KIF17: variants seen among roughly 807,000 people sequenced by gnomAD.
KIF17 encodes the protein kinesin-like protein KIF17.
KIF17 carries 80 observed loss-of-function variants against 96.8 expected under a neutral mutation model. That is an observed-to-expected ratio of 0.83 (90% confidence interval 0.69 to 1.00). KIF17 has a LOEUF of 1.00. Ranked by LOEUF, KIF17 falls within the 50% of genes least tolerant of loss-of-function variation. The pLI is 0.00. For missense variants in KIF17, 1,280 were observed against 1,372.9 expected (o/e 0.93, Z 1.07); for synonymous variants, 567 against 587.5 (o/e 0.97, Z 0.51).
rs2054498435 is a variant in KIF17 at position 20,712,893 on chromosome 1, A to AATATTATCTATATATAATATAGATAAT, written c.480+560_480+561insATTATCTATATTATATATAGATAATAT. Among the ~76,000 whole-genome samples the AATATTATCTATATATAATATAGATAAT allele has an allele frequency of 1.7e-4, 15 of 90,026 alleles. 1 individual carries two copies. The highest frequency in any genetic ancestry group is 8.3e-4 in the East Asian group (2 of 2,420). The allele number at this position is 90,026 out of a possible 152,430, so 59.1% of individuals were successfully genotyped here. ...GATATTATCTATATATAATATAGAT[A>AATATTATCTATATATAATATAGATAAT]ATATTATCTATATTATATATATAAT... On this transcript the variant is annotated intron_variant, in intron 3 of 14. Transcript: ENST00000400463.
rs751746162 is a variant in KIF17 at position 20,687,483 on chromosome 1, G to A, written c.1843C>T (p.Pro615Ser). 2.5e-6 allele frequency: 4 copies of A among 1,613,834 alleles called. No individual in the cohort carries two copies. The highest frequency in any genetic ancestry group is 3.4e-6 in the Non-Finnish European group (4 of 1,179,974). The change falls in exon 8 of 15, where the codon CCG (proline) becomes TCG (serine). Residue 615 changes from proline to serine, a missense_variant. Coordinates refer to ENST00000400463, the MANE Select transcript of KIF17 (RefSeq NM_001122819.3). This position sits in a 1 kb window ranked among gnomAD's most constrained non-coding sequence, Gnocchi z 4.4. ...AGCTTGGCTTCCACCTCGGCAAACG[G>A]GTCCTGCAGGCCTAGTAACCCCTGC... ...PLQGLLGLQD[P>S]FAEVEAKLAR... is the part of the protein sequence containing the mutation.
intron 6 of KIF17, chr1:20,694,045 G>A (rs1009421526): frequency 4.6e-5 from 7 of 151,678 alleles, no homozygotes; most frequent in Admixed American, 3.3e-4. Context: ...GTTTATTGTT[G>A]GTCTCCTTGG....
Position 20,704,658 on chromosome 1 carries a change from G to T in KIF17, c.912C>A (p.Thr304=), listed in dbSNP as rs777971001. 1 of 1,614,162 alleles carries T rather than the reference G, an allele frequency of 6.2e-7. No individual in the cohort carries two copies. The highest frequency in any genetic ancestry group is 8.5e-7 in the Non-Finnish European group (1 of 1,180,008). Residue 304 remains threonine (T), a synonymous_variant, in exon 5 of 15, where the codon ACC becomes ACA. Coordinates refer to ENST00000400463, the MANE Select transcript of KIF17 (RefSeq NM_001122819.3). This position sits in a 1 kb window ranked among gnomAD's most constrained non-coding sequence, Gnocchi z 6.8. ...RLLQDSLGGN[T]KTLMVACLSP... Reference sequence around the variant, plus strand: ...ACAGGCAGGCCACCATGAGCGTCTTGGTGTTGCCGCCCAGTGAGTCCTGCA... The same window carrying T: ...ACAGGCAGGCCACCATGAGCGTCTTTGTGTTGCCGCCCAGTGAGTCCTGCA...
chr1:20,713,197 T>C (rs2054508774), intron 3 of KIF17, among the ~76,000 whole-genome samples: 1 of 150,988 alleles, frequency 6.6e-6, no homozygotes, highest in Non-Finnish European at 1.5e-5. Context: ...GTTTTCACCA[T>C]GTTGGCCAGG....
chr1:20,715,693 T>C, intron 1 of KIF17, 54 bp from the exon 2 acceptor site: 3 of 1,607,302 alleles, frequency 1.9e-6, no homozygotes, highest in South Asian at 1.1e-5. Context: ...ACAGCAGGGC[T>C]CGGGACAGGG....
At chr1:20,688,195 C>T (rs551718202) in intron 7 of KIF17, among the ~76,000 whole-genome samples, 6 of 152,146 alleles carry the variant, frequency 3.9e-5, no homozygotes, top group African/African-American at 1.4e-4. Flanking sequence ...TACAGGCACC[C>T]GCCACCATGC....
At chr1:20,663,172 T>G (rs1295512596), downstream of KIF17, among the ~76,000 whole-genome samples, 1 of 152,128 alleles carries the variant, frequency 6.6e-6, no homozygotes. Context: ...TTCAGTGAGC[T>G]GAGATTGCCC....
At chr1:20,688,054 TG>T in intron 7 of KIF17, 110 bp from the exon 8 acceptor site, 1 of 961,606 alleles carries the variant, frequency 1.0e-6, no homozygotes, top group Admixed American at 2.2e-5. Flanking sequence ...GTTTTTTTTT[TG>T]TTTTTTTTTG....
Position 20,672,246 on chromosome 1 carries a change from C to T in KIF17, c.2464-50G>A, listed in dbSNP as rs778838176. 9.6e-5 allele frequency: 154 copies of T among 1,606,696 alleles called. No homozygotes were observed. The highest frequency in any genetic ancestry group is 3.6e-4 in the Middle Eastern group (2 of 5,616). ...TGAGCAGGGAAAGATACCTCCCCTT[C>T]CATCTAACCACCCTGTCCACTCACT... On this transcript the variant is annotated intron_variant, in intron 11 of 14. Coordinates refer to ENST00000400463, the MANE Select transcript of KIF17 (RefSeq NM_001122819.3). The surrounding 1 kb of genome is among the most constrained non-coding windows in gnomAD (Gnocchi z 4.3).
intron 11 of KIF17, among the ~76,000 whole-genome samples, chr1:20,678,597 T>C (rs1241829791): frequency 1.3e-5 from 2 of 151,928 alleles, no homozygotes; most frequent in Admixed American, 6.6e-5. Flanking sequence ...AACCTTTGAA[T>C]TACATGGAAG....
At position 20,715,538 on chromosome 1, in the gene KIF17, T is replaced by G; in HGVS notation, c.333A>C (p.Arg111Ser). The G allele has an allele frequency of 3.1e-6, 5 of 1,613,642 alleles. No homozygotes were observed. Among genetic ancestry groups the G allele is most frequent in the Non-Finnish European group, 4.2e-6 (5 of 1,180,018 alleles). The stretch of plus-strand genomic sequence containing the variant: ...GCTCGAAGGCCCTGGGGATGATGCC[T>G]CTCTGGGAGGGCGGATCCGGCAGGC... Reference protein sequence around the residue: ...MQGLPDPPSQRGIIPRAFEHV... With the variant: ...MQGLPDPPSQSGIIPRAFEHV... Residue 111 changes from arginine to serine, a missense_variant, in exon 2 of 15, where the codon AGA (arginine) becomes AGC (serine). Arg to Ser is a moderately radical substitution (Grantham distance 110). Coordinates refer to ENST00000400463, the MANE Select transcript of KIF17 (RefSeq NM_001122819.3).
chr1:20,664,445 T>G lies in KIF17; in HGVS notation c.*139A>C. On this transcript the variant is annotated 3_prime_UTR_variant, in exon 15 of 15. Transcript: ENST00000400463. The stretch of plus-strand genomic sequence containing the variant: ...GCTCTCTGGGGAACAGGGAAGGGAA[T>G]GTGTCTTCCCAGGGCTGAGGGAGCC... 2 of 1,567,504 alleles carry G rather than the reference T, an allele frequency of 1.3e-6. No homozygotes were observed. Among genetic ancestry groups the G allele is most frequent in the Admixed American group, 1.8e-5 (1 of 54,284 alleles).
At chr1:20,701,728 G>A (rs1187072754) in intron 5 of KIF17, among the ~76,000 whole-genome samples, 1 of 152,148 alleles carries the variant, frequency 6.6e-6, no homozygotes, top group Non-Finnish European at 1.5e-5. Flanking sequence ...TGAGCCAACT[G>A]GTGCTGAGAC....
In KIF17 at chr1:20,687,299, T is replaced by C; in HGVS notation, c.1938+89A>G. 1.4e-6 allele frequency: 2 copies of C among 1,419,498 alleles called. No homozygotes were observed. The highest frequency in any genetic ancestry group is 2.0e-6 in the Non-Finnish European group (2 of 1,006,424). 87.9% of individuals were successfully genotyped at this position (1,419,498 alleles called of 1,614,324 possible). On this transcript the variant is annotated intron_variant, in intron 8 of 14. Transcript: ENST00000400463. This position sits in a 1 kb window ranked among gnomAD's most constrained non-coding sequence, Gnocchi z 4.4. ...CGGCCTGAGTGTCGGAGGCCATGTG[T>C]GTGAACAGTGTGTGCACAGTGAGCT...
intron 6 of KIF17, among the ~76,000 whole-genome samples, chr1:20,697,761 C>T (rs1038043040): frequency 6.6e-6 from 1 of 152,162 alleles, no homozygotes; most frequent in Non-Finnish European, 1.5e-5. Context: ...AGTGGGGGGG[C>T]CCCCGCCATG....
rs1463908475 is a variant in KIF17, at chr1:20,670,465, G to A, written c.2746C>T (p.Pro916Ser). 7 of 1,614,082 alleles carry A rather than the reference G, an allele frequency of 4.3e-6. No homozygotes were observed. The highest frequency in any genetic ancestry group is 5.9e-6 in the Non-Finnish European group (7 of 1,180,026). The change falls in exon 13 of 15, where the codon CCA becomes TCA. Residue 916 changes from proline (P) to serine (S), a missense_variant. Transcript: ENST00000400463. ...PVVSTGPQNKPARKTSAADNG... is the reference protein window; with the variant it reads ...PVVSTGPQNKSARKTSAADNG... ...TCTGCTGCAGAGGTTTTGCGGGCTG[G>A]TTTGTTCTGTGGCCCAGTTGAAACT...
chr1:20,709,907 G>C lies in KIF17; in HGVS notation c.481-79C>G. 1 of 1,400,020 alleles carries C rather than the reference G, an allele frequency of 7.1e-7. No individual in the cohort carries two copies. Among genetic ancestry groups the C allele is most frequent in the Non-Finnish European group, 9.9e-7 (1 of 1,011,224 alleles). 86.7% of individuals were successfully genotyped at this position (1,400,020 alleles called of 1,614,324 possible). A position where few individuals can be genotyped will look rare whatever the true frequency, so the allele number is the denominator to read the frequency against. On this transcript the variant is annotated intron_variant, in intron 3 of 14. Coordinates refer to ENST00000400463, the MANE Select transcript of KIF17 (RefSeq NM_001122819.3). This position sits in a 1 kb window ranked among gnomAD's most constrained non-coding sequence, Gnocchi z 4.7. ...CCAGGGATGGTCAAGGAACCAGAGA[G>C]AAGGGCCCCATCCAGACCGCCCTCG...
downstream of KIF17, among the ~76,000 whole-genome samples, chr1:20,663,562 CA>C (rs2053473535): frequency 6.6e-6 from 1 of 152,226 alleles, no homozygotes; most frequent in South Asian, 2.1e-4. Context: ...AGGACTGTGC[CA>C]AAGGCCAAGC....
chr1:20,682,569 C>T (rs1216878959), intron 11 of KIF17, 84 bp downstream of exon 11: 3 of 1,171,670 alleles, frequency 2.6e-6, no homozygotes, highest in Admixed American at 1.7e-5. Context: ...TGCCTGGCTT[C>T]CTACAAGGTG....
Sources: allele counts gnomAD v4.1 joint callset (sites outside exome capture counted in the v4.1 genomes callset), GRCh38; gene constraint gnomAD v4.1.1; non-coding constraint Gnocchi (gnomAD v3.1); transcripts MANE v1.5; gene names NCBI Gene and HGNC (gene_info 2026-07-23, HGNC 2026-07-21).